Variants in MOB4 observed in about 807,000 individuals in gnomAD.
MOB4 encodes MOB family member 4, phocein.
In MOB4, 4 loss-of-function variants were observed where a neutral mutation model predicts 32.2. That is an observed-to-expected ratio of 0.12 (90% confidence interval 0.06 to 0.28). The LOEUF is 0.28. Ranked by LOEUF, MOB4 falls within the 10% of genes least tolerant of loss-of-function variation. The probability of loss-of-function intolerance (pLI) is 1.00; values close to 1 mark genes in which losing one functional copy is unlikely to be tolerated. For missense variants in MOB4, 158 were observed against 271.2 expected, an observed-to-expected ratio of 0.58 and a Z score of 2.93; for synonymous variants, 88 against 88.1, an observed-to-expected ratio of 1.00 and a Z score of 0.01.
chr2:197,528,461 T>C (rs1226977685), intron 2 of MOB4, among the ~76,000 whole-genome samples: 5 of 152,214 alleles, frequency 3.3e-5, no homozygotes, highest in Non-Finnish European at 7.4e-5. Flanking sequence ...CAATATACAT[T>C]GAAAACCCCA....
intron 3 of MOB4, 30 bp downstream of exon 3, chr2:197,535,660 A>G: frequency 6.3e-7 from 1 of 1,581,742 alleles, no homozygotes; most frequent in East Asian, 2.2e-5. Context: ...TACTAATAGT[A>G]CCTCTCACAA....
intron 3 of MOB4, among the ~76,000 whole-genome samples, chr2:197,536,595 C>CTTT (rs71012981): frequency 9.0e-5 from 5 of 55,374 alleles, no homozygotes; most frequent in Admixed American, 2.8e-4. Flanking sequence ...CATCTTTTGT[C>CTTT]TTTTTTTTTT....
intron 3 of MOB4, among the ~76,000 whole-genome samples, chr2:197,538,604 C>T (rs890816435): frequency 1.9e-4 from 29 of 152,208 alleles, no homozygotes; most frequent in Admixed American, 7.9e-4. Flanking sequence ...GGCTGGATTC[C>T]AGCTCTGGTT....
intron 1 of MOB4, among the ~76,000 whole-genome samples, chr2:197,517,119 C>T (rs778059028): frequency 6.6e-6 from 1 of 152,154 alleles, no homozygotes; most frequent in Admixed American, 6.5e-5. Context: ...ATGGAAAGAA[C>T]ACCTTTCGAA....
chr2:197,527,997 G>C (rs73988480), intron 2 of MOB4, among the ~76,000 whole-genome samples: 2 of 151,764 alleles, frequency 1.3e-5, no homozygotes, highest in Non-Finnish European at 2.9e-5. Flanking sequence ...ATTTATATTT[G>C]TATGGTATTT....
At chr2:197,525,518 T>A (rs2106110100) in intron 2 of MOB4, among the ~76,000 whole-genome samples, 1 of 152,130 alleles carries the variant, frequency 6.6e-6, no homozygotes, top group South Asian at 2.1e-4. Context: ...GGAGGATCAC[T>A]TTGAGGTTGG....
At chr2:197,550,129 C>A in intron 6 of MOB4, 146 bp from the exon 7 acceptor site, 1 of 607,800 alleles carries the variant, frequency 1.6e-6, no homozygotes, top group Non-Finnish European at 2.7e-6. Flanking sequence ...GCAGGGGCTC[C>A]AGGCATTTAC....
intron 1 of MOB4, among the ~76,000 whole-genome samples, chr2:197,519,958 AAAATT>A (rs1245839161): frequency 2.0e-5 from 3 of 152,162 alleles, no homozygotes; most frequent in African/African-American, 7.2e-5. Flanking sequence ...TTCCTTTAAT[AAAATT>A]AGTTCATTTT....
chr2:197,530,084 G>A (rs1047547526), intron 2 of MOB4, among the ~76,000 whole-genome samples: 2 of 146,296 alleles, frequency 1.4e-5, no homozygotes, highest in South Asian at 2.2e-4. Flanking sequence ...ATTCTCCTCC[G>A]TCAGCCTCCC....
chr2:197,540,982 A>G (rs555427964), intron 5 of MOB4, among the ~76,000 whole-genome samples: 31 of 147,828 alleles, frequency 2.1e-4, no homozygotes, highest in Admixed American at 1.8e-3. Context: ...GTTCGCTGCA[A>G]CCTCTGTCTC....
intron 5 of MOB4, among the ~76,000 whole-genome samples, chr2:197,544,524 C>T (rs2086957320): frequency 6.6e-6 from 1 of 152,126 alleles, no homozygotes; most frequent in Non-Finnish European, 1.5e-5. Context: ...GAGGCCAAGG[C>T]GGGCGGATCA....
intron 5 of MOB4, among the ~76,000 whole-genome samples, chr2:197,544,752 CAAAA>C: frequency 1.1e-5 from 1 of 91,204 alleles, no homozygotes; most frequent in East Asian, 3.2e-4. Flanking sequence ...GACTCCGTCT[CAAAA>C]AAAAAAAAAG....
At chr2:197,528,781 A>G (rs1254196411) in intron 2 of MOB4, among the ~76,000 whole-genome samples, 1 of 150,704 alleles carries the variant, frequency 6.6e-6, no homozygotes, top group African/African-American at 2.4e-5. Context: ...ACCCCCGGCT[A>G]ATTTTTTTGT....
In MOB4 at chr2:197,550,271, C is replaced by G; in HGVS notation, c.435-4C>G. The G allele has an allele frequency of 6.2e-7, 1 of 1,608,322 alleles. No individual in the cohort carries two copies. Among genetic ancestry groups the G allele is most frequent in the Non-Finnish European group, 8.5e-7 (1 of 1,178,116 alleles). On this transcript the variant is annotated splice_region_variant and splice_polypyrimidine_tract_variant and intron_variant, in intron 6 of 7. Transcript: ENST00000323303. Reference sequence around the variant, plus strand: ...AGAATCTATGGTTTCTTTTCTACTTCTAGGGTTAGCATAAAGGAATCATCT... The same window carrying G: ...AGAATCTATGGTTTCTTTTCTACTTGTAGGGTTAGCATAAAGGAATCATCT...
intron 5 of MOB4, among the ~76,000 whole-genome samples, chr2:197,542,556 C>T (rs1472424665): frequency 6.6e-6 from 1 of 152,088 alleles, no homozygotes; most frequent in East Asian, 1.9e-4. Context: ...TATTCAGTAT[C>T]CTTGAGAATT....
chr2:197,516,531 C>T (rs906105844), intron 1 of MOB4: 2 of 588,844 alleles, frequency 3.4e-6, no homozygotes, highest in Non-Finnish European at 6.0e-6. Flanking sequence ...AAGGTCGGGG[C>T]CGCTGAGGTG....
chr2:197,543,686 CT>C (rs1300950908), intron 5 of MOB4, among the ~76,000 whole-genome samples: 1 of 152,186 alleles, frequency 6.6e-6, no homozygotes, highest in Non-Finnish European at 1.5e-5. Context: ...TAGGTAGAAG[CT>C]GCCAAAGGAT....
intron 1 of MOB4, chr2:197,516,694 G>T (rs897659368): frequency 6.4e-6 from 3 of 471,520 alleles, no homozygotes; most frequent in African/African-American, 4.0e-5. Flanking sequence ...TCTCCCTGCC[G>T]CTTTCCCTGG....
chr2:197,549,594 G>A (rs565963854), intron 6 of MOB4, among the ~76,000 whole-genome samples: 2 of 152,000 alleles, frequency 1.3e-5, no homozygotes, highest in Non-Finnish European at 2.9e-5. Flanking sequence ...TGCTCAACCA[G>A]GCTGGAGTGC....
Sources: gnomAD v4.1 joint callset for allele counts (sites outside exome capture counted in the v4.1 genomes callset) on GRCh38, gnomAD v4.1.1 for gene constraint, MANE v1.5 for transcripts, NCBI Gene and HGNC (gene_info 2026-07-23, HGNC 2026-07-21) for gene names.